The following ADGRL4 variants were observed in gnomAD, a reference collection of about 807,000 sequenced individuals.
ADGRL4 encodes the protein EGF, latrophilin and seven transmembrane domain containing 1.
Under a neutral mutation model 74.8 loss-of-function variants are expected in ADGRL4, and 90 were observed. The observed-to-expected ratio is 1.20, with a 90% CI of 1.02 to 1.43. The LOEUF (loss-of-function observed/expected upper bound fraction) is 1.43. Ranked by LOEUF, ADGRL4 falls within the 40% of genes most tolerant of loss-of-function variation. The probability of loss-of-function intolerance (pLI) is 0.00; values close to 1 mark genes in which losing one functional copy is unlikely to be tolerated. For synonymous variants in ADGRL4, 311 were observed against 279.2 expected, an observed-to-expected ratio of 1.11 and a Z score of -1.14; for missense variants, 881 against 814.3, an observed-to-expected ratio of 1.08 and a Z score of -1.00.
chr1:79,001,944 T>TA (rs201283591), intron 2 of ADGRL4, among the ~76,000 whole-genome samples: 11 of 152,140 alleles, frequency 7.2e-5, no homozygotes, highest in African/African-American at 2.4e-4. Context: ...GATGGTTATT[T>TA]AAAAAAATGT....
chr1:78,981,462 C>T (rs1008276540), intron 2 of ADGRL4, among the ~76,000 whole-genome samples: 12 of 151,810 alleles, frequency 7.9e-5, no homozygotes, highest in Non-Finnish European at 7.4e-5. Context: ...TTATTTCACT[C>T]ATAAAATGCT....
intron 12 of ADGRL4, among the ~76,000 whole-genome samples, chr1:78,914,216 A>G (rs1389621001): frequency 6.6e-6 from 1 of 151,914 alleles, no homozygotes; most frequent in Non-Finnish European, 1.5e-5. Flanking sequence ...CCTCCACCTC[A>G]ATGAAGACTT....
chr1:78,914,011 T>C (rs1366274042), intron 12 of ADGRL4, among the ~76,000 whole-genome samples: 3 of 151,838 alleles, frequency 2.0e-5, no homozygotes, highest in Non-Finnish European at 4.4e-5. Context: ...CTGTGAATAA[T>C]GGTGATTCTT....
chr1:78,979,243 A>T (rs540395808), intron 2 of ADGRL4, among the ~76,000 whole-genome samples: 1 of 151,782 alleles, frequency 6.6e-6, no homozygotes, highest in Non-Finnish European at 1.5e-5. Context: ...TACTTAAAAA[A>T]CCTTTGTTTT....
intron 1 of ADGRL4, among the ~76,000 whole-genome samples, chr1:79,005,613 T>C (rs1650946473): frequency 6.6e-6 from 1 of 152,206 alleles, no homozygotes; most frequent in African/African-American, 2.4e-5. Context: ...CTGGGAGTAA[T>C]CCTGTGTAGA....
chr1:78,949,927 G>T (rs141527181), intron 2 of ADGRL4, among the ~76,000 whole-genome samples: 1 of 152,008 alleles, frequency 6.6e-6, no homozygotes, highest in East Asian at 1.9e-4. Context: ...ATTCTTCCTC[G>T]TTCACCTCTG....
rs549054746 is a variant in ADGRL4 at position 78,929,765 on chromosome 1, C to A, written c.878-2674G>T. ...TGACAGCTAATATTACTGTCCCTTT[C>A]AAATGTCACTTTGTACATAGGATCA... On this transcript the variant is annotated intron_variant, in intron 7 of 14. Transcript: ENST00000370742. Among the ~76,000 whole-genome samples, 385 of 151,492 alleles carry A rather than the reference C, an allele frequency of 2.5e-3. 16 individuals carry two copies. The highest frequency in any genetic ancestry group is 8.8e-3 in the African/African-American group (359 of 40,834).
chr1:78,986,789 G>A (rs1162149276), intron 2 of ADGRL4, among the ~76,000 whole-genome samples: 1 of 151,696 alleles, frequency 6.6e-6, no homozygotes, highest in Admixed American at 6.6e-5. Flanking sequence ...ACTAAGAGTA[G>A]CTGGGGTCCT....
intron 12 of ADGRL4, among the ~76,000 whole-genome samples, chr1:78,903,495 T>C (rs995448079): frequency 6.6e-6 from 1 of 152,192 alleles, no homozygotes; most frequent in Non-Finnish European, 1.5e-5. Flanking sequence ...TAAATGGTAT[T>C]ACAAAACTCA....
At chr1:78,898,796 A>T (rs77779514) in intron 12 of ADGRL4, among the ~76,000 whole-genome samples, 5,687 of 152,280 alleles carry the variant, frequency 0.037, 160 homozygotes, top group Non-Finnish European at 0.064. Flanking sequence ...ATTCAGATAC[A>T]TGCAGTTCAT....
chr1:78,974,426 AAAAAG>A (rs1650237735), intron 2 of ADGRL4, among the ~76,000 whole-genome samples: 2 of 152,190 alleles, frequency 1.3e-5, no homozygotes, highest in African/African-American at 4.8e-5. Flanking sequence ...TAAGAGATTG[AAAAAG>A]AAAAGAATGG....
At chr1:78,985,841 G>A (rs1650483419) in intron 2 of ADGRL4, among the ~76,000 whole-genome samples, 1 of 151,756 alleles carries the variant, frequency 6.6e-6, no homozygotes, top group Non-Finnish European at 1.5e-5. Context: ...ATACTATGCA[G>A]CCATTAAAAA....
intron 12 of ADGRL4, among the ~76,000 whole-genome samples, chr1:78,898,998 A>G (rs1200657589): frequency 6.6e-6 from 1 of 152,166 alleles, no homozygotes; most frequent in Non-Finnish European, 1.5e-5. Context: ...TTCAAAATGA[A>G]GCATCCCAAT....
intron 3 of ADGRL4, among the ~76,000 whole-genome samples, chr1:78,945,179 T>A (rs200491583): frequency 0.041 from 4,002 of 98,014 alleles, 57 homozygotes; most frequent in East Asian, 0.061. Context: ...AAAAAAAAAA[T>A]ATATATATAT....
intron 12 of ADGRL4, among the ~76,000 whole-genome samples, chr1:78,913,086 G>A (rs1205843870): frequency 6.6e-6 from 1 of 151,942 alleles, no homozygotes; most frequent in East Asian, 1.9e-4. Context: ...ACCACAGTGA[G>A]ATATCATCTC....
At chr1:78,984,080 A>G (rs1465854854) in intron 2 of ADGRL4, among the ~76,000 whole-genome samples, 3 of 151,846 alleles carry the variant, frequency 2.0e-5, no homozygotes, top group African/African-American at 7.2e-5. Flanking sequence ...CTACATAAGC[A>G]GTACATTAAG....
chr1:78,955,282 T>C (rs1016868467), intron 2 of ADGRL4, among the ~76,000 whole-genome samples: 1 of 152,150 alleles, frequency 6.6e-6, no homozygotes, highest in African/African-American at 2.4e-5. Context: ...TTGGGCATTA[T>C]TAATTTTCTT....
chr1:78,940,154 G>C (rs980984720), intron 3 of ADGRL4, among the ~76,000 whole-genome samples: 1 of 151,974 alleles, frequency 6.6e-6, no homozygotes, highest in Admixed American at 6.6e-5. Context: ...AAACTTATTT[G>C]TTTTCTAGTA....
chr1:78,930,217 G>T (rs1649208639), intron 7 of ADGRL4, among the ~76,000 whole-genome samples: 1 of 148,618 alleles, frequency 6.7e-6, no homozygotes, highest in South Asian at 2.2e-4. Flanking sequence ...TTCTCATATA[G>T]GTAAAAATAT....
Sources: allele counts gnomAD v4.1 joint callset (sites outside exome capture counted in the v4.1 genomes callset), GRCh38; gene constraint gnomAD v4.1.1; transcripts MANE v1.5; gene names NCBI Gene and HGNC (gene_info 2026-07-23, HGNC 2026-07-21).